The following ACOT11 variants were observed in gnomAD, a reference collection of about 807,000 sequenced individuals.
ACOT11 encodes acyl-CoA thioesterase 11.
A neutral mutation model predicts 77.5 loss-of-function variants in ACOT11; 69 were observed. The ratio of observed to expected loss-of-function variants is 0.89; its 90% confidence interval spans 0.73 to 1.09. The LOEUF is 1.09. Among genes scored for constraint, ACOT11 ranks in the 50% least tolerant of loss-of-function variants. ACOT11 has a pLI of 0.00. For synonymous variants in ACOT11, 279 were observed against 313.0 expected (o/e 0.89, Z 1.15); for missense variants, 766 against 813.7 (o/e 0.94, Z 0.71).
Position 54,594,002 on chromosome 1 carries a change from C to A in ACOT11, c.434C>A (p.Ala145Asp). The A allele has an allele frequency of 1.2e-6, 2 of 1,614,150 alleles. No individual in the cohort carries two copies. The highest frequency in any genetic ancestry group is 1.7e-6 in the Non-Finnish European group (2 of 1,179,990). The change falls in exon 5 of 16, where the codon GCC becomes GAC. Residue 145 changes from alanine (A) to aspartate (D), a missense_variant. Coordinates refer to ENST00000343744, the MANE Select transcript of ACOT11 (RefSeq NM_147161.4). ...GAGAAGCAGTGGAATGTGTGCAAGG[C>A]CTTGGCCACCTTCGTGGCCCGCCGA... The part of the protein sequence containing the change: ...CSEKQWNVCK[A>D]LATFVARREI...
At chr1:54,600,951 G>T (rs774065046) in intron 8 of ACOT11, among the ~76,000 whole-genome samples, 3 of 152,026 alleles carry the variant, frequency 2.0e-5, no homozygotes, top group African/African-American at 4.8e-5. Flanking sequence ...ATTCACTCTC[G>T]CATCCTCACA....
intron 1 of ACOT11, among the ~76,000 whole-genome samples, chr1:54,564,984 T>C (rs1261898299): frequency 1.3e-5 from 2 of 152,158 alleles, no homozygotes; most frequent in African/African-American, 4.8e-5. Context: ...AAAGTGACTT[T>C]GGGGCCAAGG....
In ACOT11 at chr1:54,622,709, A is replaced by C. The variant is rs551626524; in HGVS notation, c.1630-8025A>C. Among the ~76,000 whole-genome samples the C allele has an allele frequency of 3.9e-4, 60 of 152,238 alleles. 1 individual carries two copies. Among genetic ancestry groups the C allele is most frequent in the Non-Finnish European group, 3.1e-4 (21 of 68,012 alleles). On this transcript the variant is annotated intron_variant, in intron 15 of 16. Coordinates refer to the ACOT11 transcript ENST00000371316. ...AGTTGAGATTGCACCATTGCACTCC[A>C]GCCTGGGGGACAAGAGTGAAAACTC...
downstream of ACOT11, chr1:54,610,338 G>A (rs115202613): frequency 1.0e-4 from 156 of 1,567,532 alleles, no homozygotes; most frequent in Non-Finnish European, 1.3e-4. Context: ...AACAGAGACC[G>A]GCGGTACCTG....
chr1:54,562,402 C>A lies in ACOT11; in HGVS notation c.33+14060C>A, dbSNP rs1292535975. 3.9e-5 allele frequency among the ~76,000 whole-genome samples: 3 copies of A among 76,054 alleles called. No homozygotes were observed. In the East Asian group the frequency reaches 1.1e-3, roughly 28 times the overall value. 49.9% of individuals were successfully genotyped at this position (76,054 alleles called of 152,430 possible). On this transcript the variant is annotated intron_variant, in intron 1 of 15. Transcript: ENST00000343744. Reference sequence around the variant, plus strand: ...CCCAGTAGGGGCAGCCGGGCAGAGGCGCCCCTCACCTCCCGGACGGGGCGG... The same window carrying A: ...CCCAGTAGGGGCAGCCGGGCAGAGGAGCCCCTCACCTCCCGGACGGGGCGG...
chr1:54,605,528 G>A (rs1172329917), intron 13 of ACOT11, among the ~76,000 whole-genome samples: 2 of 152,096 alleles, frequency 1.3e-5, no homozygotes, highest in African/African-American at 2.4e-5. Flanking sequence ...TGGATGGCGG[G>A]TCATGGATTC....
chr1:54,570,934 C>T lies in ACOT11; in HGVS notation c.34-13721C>T, dbSNP rs146068625. Among the ~76,000 whole-genome samples the T allele has an allele frequency of 8.3e-3, 1,269 of 152,242 alleles. 17 individuals are homozygous for T. Among genetic ancestry groups the T allele is most frequent in the African/African-American group, 0.027 (1,142 of 41,538 alleles). ...CTGGCCTCAAGTGATCTGCCTGCCT[C>T]GGCCTCCCAAAGTGCTGGGATTACA... On this transcript the variant is annotated intron_variant, in intron 1 of 15. Transcript: ENST00000343744.
At chr1:54,563,560 C>T (rs1653629570) in intron 1 of ACOT11, among the ~76,000 whole-genome samples, 1 of 152,208 alleles carries the variant, frequency 6.6e-6, no homozygotes, top group Admixed American at 6.5e-5. Context: ...ATTCCAGAGA[C>T]ACATGAGATG....
At chr1:54,563,149 G>A (rs549108903) in intron 1 of ACOT11, among the ~76,000 whole-genome samples, 17 of 152,348 alleles carry the variant, frequency 1.1e-4, no homozygotes, top group Non-Finnish European at 2.2e-4. Context: ...CAAAGACTCT[G>A]ATTTTTTAAA....
chr1:54,556,826 G>A (rs774711171), intron 1 of ACOT11, among the ~76,000 whole-genome samples: 7 of 151,848 alleles, frequency 4.6e-5, no homozygotes, highest in Non-Finnish European at 7.4e-5. Flanking sequence ...TGGGTGATCC[G>A]CCCACCTTGG....
At chr1:54,601,139 A>ATGTGTGTG (rs141115446) in intron 8 of ACOT11, 130 bp from the exon 9 acceptor site, 1 of 913,632 alleles carries the variant, frequency 1.1e-6, no homozygotes, top group African/African-American at 2.1e-5. Flanking sequence ...GTGTGTGCAT[A>ATGTGTGTG]CGTGTGTGTG....
intron 4 of ACOT11, 85 bp from the exon 5 acceptor site, chr1:54,593,856 C>T (rs1654800589): frequency 1.7e-6 from 2 of 1,180,628 alleles, no homozygotes; most frequent in Admixed American, 1.9e-5. Flanking sequence ...TGGGCTGGGA[C>T]TTGCTGTCTG....
chr1:54,559,751 G>T (rs1318739388), intron 1 of ACOT11, among the ~76,000 whole-genome samples: 1 of 152,122 alleles, frequency 6.6e-6, no homozygotes, highest in Admixed American at 6.5e-5. Flanking sequence ...AAGGCTTCTG[G>T]TATTTATCTG....
At chr1:54,588,682 G>A (rs1052867937) in intron 3 of ACOT11, among the ~76,000 whole-genome samples, 1 of 152,174 alleles carries the variant, frequency 6.6e-6, no homozygotes, top group Non-Finnish European at 1.5e-5. Flanking sequence ...GTGGAGCTGT[G>A]TCTGGGCCAG....
intron 8 of ACOT11, among the ~76,000 whole-genome samples, chr1:54,600,095 T>A (rs1194075150): frequency 6.6e-6 from 1 of 152,176 alleles, no homozygotes; most frequent in Non-Finnish European, 1.5e-5. Context: ...CCGTTACTAG[T>A]AGAACGCCAG....
chr1:54,632,209 G>A (rs1031870456), intron 16 of ACOT11, among the ~76,000 whole-genome samples: 1 of 152,208 alleles, frequency 6.6e-6, no homozygotes, highest in Non-Finnish European at 1.5e-5. Flanking sequence ...TTCAGGAAAC[G>A]CCATGAGGGG....
At chr1:54,611,744 A>G, downstream of ACOT11, 1 of 1,613,958 alleles carries the variant, frequency 6.2e-7, no homozygotes, top group Non-Finnish European at 8.5e-7. Context: ...GTCAGGCTGT[A>G]CCTGGGGACA....
chr1:54,618,227 G>A (rs1211703060), intron 15 of ACOT11, among the ~76,000 whole-genome samples: 1 of 152,126 alleles, frequency 6.6e-6, no homozygotes, highest in Non-Finnish European at 1.5e-5. Flanking sequence ...TCCTCAGCCG[G>A]GCGCGGTGGC....
intron 16 of ACOT11, among the ~76,000 whole-genome samples, chr1:54,633,036 G>A (rs953545506): frequency 6.6e-6 from 1 of 152,142 alleles, no homozygotes; most frequent in East Asian, 1.9e-4. Context: ...GTATGTCCCT[G>A]GTATGGGACT....
Sources: allele counts gnomAD v4.1 joint callset (sites outside exome capture counted in the v4.1 genomes callset), GRCh38; gene constraint gnomAD v4.1.1; transcripts MANE v1.5; gene names NCBI Gene and HGNC (gene_info 2026-07-23, HGNC 2026-07-21).